Variants in ANKRD40 observed in about 807,000 individuals in gnomAD.
The protein encoded by ANKRD40 is ankyrin repeat domain 40.
In ANKRD40, 24 loss-of-function variants were observed where a neutral mutation model predicts 35.5. The ratio of observed to expected loss-of-function variants is 0.68; its 90% CI spans 0.49 to 0.95. The LOEUF is 0.95. Among genes scored for constraint, ANKRD40 ranks in the 40% least tolerant of loss-of-function variants. The pLI is 0.00. For missense variants in ANKRD40, 361 were observed against 436.0 expected (o/e 0.83, Z 1.53); for synonymous variants, 147 against 173.5 (o/e 0.85, Z 1.20).
intron 1 of ANKRD40, among the ~76,000 whole-genome samples, chr17:50,703,391 C>T (rs148331836): frequency 1.5e-4 from 23 of 152,162 alleles, no homozygotes; most frequent in African/African-American, 4.6e-4. Flanking sequence ...AAGCAAAGCA[C>T]GCAGTACGCT....
chr17:50,698,083 CCTGGTGT>C (rs1235286457), intron 3 of ANKRD40, among the ~76,000 whole-genome samples: 1 of 151,820 alleles, frequency 6.6e-6, no homozygotes, highest in African/African-American at 2.4e-5. Context: ...GTGACCACAT[CCTGGTGT>C]CTGAATACCA....
intron 1 of ANKRD40, among the ~76,000 whole-genome samples, chr17:50,704,472 C>T (rs964249968): frequency 2.2e-4 from 32 of 144,660 alleles, no homozygotes; most frequent in Non-Finnish European, 4.6e-4. Context: ...GCTGAGATCA[C>T]GCATTGCACT....
In ANKRD40 at chr17:50,695,066, C is replaced by T. The variant is rs1968181115; in HGVS notation, c.*931G>A. The T allele has an allele frequency of 6.6e-6, 1 of 152,034 alleles. No individual in the cohort carries two copies. The highest frequency in any genetic ancestry group is 2.4e-5 in the African/African-American group (1 of 41,376). The allele number at this position is 152,034 out of a possible 1,614,324, so 9.4% of individuals were successfully genotyped here. On this transcript the variant is annotated 3_prime_UTR_variant, in exon 5 of 5. Transcript: ENST00000285243. ...TTACACACACATATGACTGGAATCA[C>T]TTCAGAGTAAAAAAAAAGTGGGCTG...
Position 50,699,403 on chromosome 17 carries a change from C to T in ANKRD40, c.774G>A (p.Met258Ile). 3 of 1,613,202 alleles carry T rather than the reference C, an allele frequency of 1.9e-6. No homozygotes were observed. The highest frequency in any genetic ancestry group is 2.5e-6 in the Non-Finnish European group (3 of 1,179,312). The stretch of plus-strand genomic sequence containing the variant: ...TGTTTGCTGATGAGGGGTTACCTTG[C>T]ATATTAAATGGAAATGCTCCAGTGA... ...FFFTGAFPFNMQELVLKVRIQ... is the reference protein window; with the variant it reads ...FFFTGAFPFNIQELVLKVRIQ... The change falls in exon 3 of 5, where the codon ATG (methionine) becomes ATA (isoleucine). Residue 258 changes from methionine to isoleucine, a missense_variant. Physicochemically the swap from Met to Ile is conservative, Grantham distance 10. This residue lies in a region of ANKRD40 where 93 missense variants were observed against 129.6 expected (regional missense o/e 0.72). Coordinates refer to ENST00000285243, the MANE Select transcript of ANKRD40 (RefSeq NM_052855.4).
chr17:50,707,736 G>C lies in ANKRD40; in HGVS notation c.-82C>G. 1 of 1,071,030 alleles carries C rather than the reference G, an allele frequency of 9.3e-7. No homozygotes were observed. The highest frequency in any genetic ancestry group is 1.2e-6 in the Non-Finnish European group (1 of 866,366). The allele number at this position is 1,071,030 out of a possible 1,614,324, so 66.3% of individuals were successfully genotyped here. ...TGTCAGCGCCGCCGCCGTCGCCGCG[G>C]CCCGCTCCCGGCCATGGGGAGGGAG... is the stretch of plus-strand genomic sequence containing the variant. On this transcript the variant is annotated 5_prime_UTR_variant, in exon 1 of 5. Transcript: ENST00000285243. The surrounding 1 kb of genome is among the most constrained non-coding windows in gnomAD (Gnocchi z 4.8).
Position 50,695,253 on chromosome 17 carries a change from T to C in ANKRD40, c.*744A>G, listed in dbSNP as rs1968185070. The C allele has an allele frequency of 6.6e-6, 1 of 152,306 alleles. No individual in the cohort carries two copies. Among genetic ancestry groups the C allele is most frequent in the Non-Finnish European group, 1.5e-5 (1 of 68,206 alleles). The allele number at this position is 152,306 out of a possible 1,614,324, so 9.4% of individuals were successfully genotyped here. A position where few individuals can be genotyped will look rare whatever the true frequency, so the allele number is the denominator to read the frequency against. ...CATTGTAAAAAAGCAGTTGTTCTTT[T>C]AGAAGGCATCAGAGAGCCCTCTAGT... On this transcript the variant is annotated 3_prime_UTR_variant, in exon 5 of 5. Transcript: ENST00000285243.
chr17:50,702,469 A>G (rs1321033406), intron 1 of ANKRD40, among the ~76,000 whole-genome samples: 1 of 152,166 alleles, frequency 6.6e-6, no homozygotes, highest in East Asian at 1.9e-4. Context: ...GAAGGATCCA[A>G]TCTACCCTTG....
In ANKRD40 at chr17:50,707,410, G is replaced by T. The variant is rs1049644165; in HGVS notation, c.134+111C>A. 2.3e-5 allele frequency: 33 copies of T among 1,465,818 alleles called. No individual in the cohort carries two copies. In the South Asian group the frequency reaches 4.1e-4, roughly 18 times the overall value. The allele number at this position is 1,465,818 out of a possible 1,614,324, so 90.8% of individuals were successfully genotyped here. A position where few individuals can be genotyped will look rare whatever the true frequency, so the allele number is the denominator to read the frequency against. On this transcript the variant is annotated intron_variant, in intron 1 of 4. Coordinates refer to ENST00000285243, the MANE Select transcript of ANKRD40 (RefSeq NM_052855.4). The surrounding 1 kb of genome is among the most constrained non-coding windows in gnomAD (Gnocchi z 4.8). ...GAGCACAATCTCGGAGGCCCGAGGT[G>T]GCAGGCCTCGCCGTAGCCAGGCGTC...
At chr17:50,706,066 AT>A (rs1433571657) in intron 1 of ANKRD40, among the ~76,000 whole-genome samples, 1 of 151,294 alleles carries the variant, frequency 6.6e-6, no homozygotes, top group Non-Finnish European at 1.5e-5. Flanking sequence ...GCCTCTCTCC[AT>A]TGTCCCTTTC....
At chr17:50,701,438 T>TGA (rs1968271041) in intron 1 of ANKRD40, among the ~76,000 whole-genome samples, 1 of 152,220 alleles carries the variant, frequency 6.6e-6, no homozygotes, top group Non-Finnish European at 1.5e-5. Flanking sequence ...GAACAGGTTC[T>TGA]TCTAACATAT....
chr17:50,706,088 T>C (rs969120707), intron 1 of ANKRD40, among the ~76,000 whole-genome samples: 3 of 151,728 alleles, frequency 2.0e-5, no homozygotes, highest in Admixed American at 1.3e-4. Context: ...AGTTCCAAAA[T>C]GGATGATTCC....
rs1968190998 is a variant in ANKRD40, at chr17:50,695,631, T to G, written c.*366A>C. ...GAAAAACGCATCCCAGCCCTTCAGGTGCACTGTCAACAGGAGTGGCTAGAA... is the reference window on the plus strand; with the variant it reads ...GAAAAACGCATCCCAGCCCTTCAGGGGCACTGTCAACAGGAGTGGCTAGAA... On this transcript the variant is annotated 3_prime_UTR_variant, in exon 5 of 5. Transcript: ENST00000285243. 6.0e-6 allele frequency: 1 copy of G among 166,032 alleles called. No individual in the cohort carries two copies. The highest frequency in any genetic ancestry group is 2.4e-5 in the African/African-American group (1 of 42,056). 10.3% of individuals were successfully genotyped at this position (166,032 alleles called of 1,614,324 possible). A position where few individuals can be genotyped will look rare whatever the true frequency, so the allele number is the denominator to read the frequency against.
intron 1 of ANKRD40, chr17:50,700,917 G>T: frequency 2.1e-6 from 1 of 482,844 alleles, no homozygotes; most frequent in Non-Finnish European, 3.6e-6. Flanking sequence ...TTCATTTCTG[G>T]CTCCTGAGAA....
intron 1 of ANKRD40, among the ~76,000 whole-genome samples, chr17:50,706,786 C>A (rs1968344441): frequency 6.7e-6 from 1 of 149,002 alleles, no homozygotes; most frequent in African/African-American, 2.5e-5. Flanking sequence ...TGCCTGTATT[C>A]CCAGCTATTT....
At position 50,696,929 on chromosome 17, in the gene ANKRD40, A is replaced by G; in HGVS notation, c.960+11T>C. On this transcript the variant is annotated intron_variant, in intron 4 of 4. Coordinates refer to ENST00000285243, the MANE Select transcript of ANKRD40 (RefSeq NM_052855.4). ...GCAAAAAGCAGCCATTCATGCTTAG[A>G]CTTTTCTTACCTTCCTTAACAGAGT... is the stretch of plus-strand genomic sequence containing the variant. 6.3e-7 allele frequency: 1 copy of G among 1,582,756 alleles called. No individual in the cohort carries two copies. Among genetic ancestry groups the G allele is most frequent in the Non-Finnish European group, 8.6e-7 (1 of 1,164,274 alleles).
intron 1 of ANKRD40, among the ~76,000 whole-genome samples, chr17:50,706,125 CTTT>C (rs60793271): frequency 1.4e-5 from 2 of 142,294 alleles, no homozygotes; most frequent in African/African-American, 2.6e-5. Context: ...TGTAAACTCA[CTTT>C]TTTTTTTTTT....
Position 50,695,975 on chromosome 17 carries a change from A to G in ANKRD40, c.*22T>C, listed in dbSNP as rs1412079979. 6.2e-7 allele frequency: 1 copy of G among 1,613,470 alleles called. No homozygotes were observed. Among genetic ancestry groups the G allele is most frequent in the Admixed American group, 1.7e-5 (1 of 59,946 alleles). ...GGTGATGCACACTGTCATAATACTC[A>G]GTGATAAAAGTCCCTGCTGCATTAG... On this transcript the variant is annotated 3_prime_UTR_variant, in exon 5 of 5. Transcript: ENST00000285243.
chr17:50,698,985 C>CAAAAAAAAAAA (rs5820829), intron 3 of ANKRD40, among the ~76,000 whole-genome samples: 13 of 69,578 alleles, frequency 1.9e-4, no homozygotes, highest in South Asian at 6.4e-4. Context: ...ACTAAAAATA[C>CAAAAAAAAAAA]AAAAAAAAAA....
At chr17:50,702,352 A>G (rs955716069) in intron 1 of ANKRD40, among the ~76,000 whole-genome samples, 1 of 151,938 alleles carries the variant, frequency 6.6e-6, no homozygotes, top group East Asian at 1.9e-4. Flanking sequence ...GCGAGCCAAG[A>G]TTGTGCCACT....
Sources: allele counts gnomAD v4.1 joint callset (sites outside exome capture counted in the v4.1 genomes callset), GRCh38; gene constraint gnomAD v4.1.1; regional missense constraint gnomAD v4.1.1; non-coding constraint Gnocchi (gnomAD v3.1); transcripts MANE v1.5; gene names NCBI Gene and HGNC (gene_info 2026-07-23, HGNC 2026-07-21).